The following DVL3 variants were observed in gnomAD, a reference collection of about 807,000 sequenced individuals.
The protein encoded by DVL3 is dishevelled segment polarity protein 3.
DVL3 carries 27 observed loss-of-function variants against 67.4 expected under a neutral mutation model. The ratio of observed to expected loss-of-function variants is 0.40; its 90% confidence interval spans 0.30 to 0.55. The LOEUF is 0.55. Ranked by LOEUF, DVL3 falls within the 20% of genes least tolerant of loss-of-function variation. DVL3 has a pLI of 0.46. For missense variants in DVL3, 819 were observed against 1,021.5 expected, an observed-to-expected ratio of 0.80 and a Z score of 2.70; for synonymous variants, 369 against 396.8, an observed-to-expected ratio of 0.93 and a Z score of 0.83.
Position 184,165,571 on chromosome 3 carries a change from T to G in DVL3, c.763+80T>G. ...AGACTTGAGTTCAGAGAGCGTAGAATATGTTCCCTGCCCTCAAGGAGCTCT... is the reference window on the plus strand; with the variant it reads ...AGACTTGAGTTCAGAGAGCGTAGAAGATGTTCCCTGCCCTCAAGGAGCTCT... On this transcript the variant is annotated intron_variant, in intron 7 of 14. Coordinates refer to ENST00000313143, the MANE Select transcript of DVL3 (RefSeq NM_004423.4). This position sits in a 1 kb window ranked among gnomAD's most constrained non-coding sequence, Gnocchi z 4.1. The G allele has an allele frequency of 7.8e-7, 1 of 1,278,376 alleles. No individual in the cohort carries two copies. The highest frequency in any genetic ancestry group is 1.2e-5 in the South Asian group (1 of 82,700). The allele number at this position is 1,278,376 out of a possible 1,614,324, so 79.2% of individuals were successfully genotyped here.
chr3:184,155,716 C>A lies in DVL3; in HGVS notation c.81C>A (p.Arg27=). 5.0e-6 allele frequency: 8 copies of A among 1,613,300 alleles called. No homozygotes were observed. The highest frequency in any genetic ancestry group is 5.1e-6 in the Non-Finnish European group (6 of 1,179,806). The part of the protein sequence containing the change: ...YLVKLPLPAE[R]VTLADFKGVL... ...TGAAGCTGCCCCTGCCCGCCGAGCG[C>A]GTCACCTTGGCGGACTTTAAGGGCG... Residue 27 remains arginine (R), a synonymous_variant, in exon 1 of 15, where the codon CGC becomes CGA. Transcript: ENST00000313143. The surrounding 1 kb of genome is among the most constrained non-coding windows in gnomAD (Gnocchi z 5.4).
rs1342265603 is a variant in DVL3 at position 184,163,205 on chromosome 3, AT to A, written c.162-448del. On this transcript the variant is annotated intron_variant, in intron 1 of 14. Coordinates refer to ENST00000313143, the MANE Select transcript of DVL3 (RefSeq NM_004423.4). This position sits in a 1 kb window ranked among gnomAD's most constrained non-coding sequence, Gnocchi z 4.5. Reference sequence around the variant, plus strand: ...GCCTGGCCTCCCCTTCTCTTTTCTAATTTTCTTAAATTCTTTGTCCATACCT... The same window carrying A: ...GCCTGGCCTCCCCTTCTCTTTTCTAATTTCTTAAATTCTTTGTCCATACCT... Among the ~76,000 whole-genome samples, 3 of 151,998 alleles carry A rather than the reference AT, an allele frequency of 2.0e-5. No individual in the cohort carries two copies. The highest frequency in any genetic ancestry group is 7.3e-5 in the African/African-American group (3 of 41,350).
intron 1 of DVL3, among the ~76,000 whole-genome samples, chr3:184,156,141 C>T (rs1205511094): frequency 6.6e-6 from 1 of 152,154 alleles, no homozygotes; most frequent in Admixed American, 6.5e-5. Flanking sequence ...CCCCCATCCT[C>T]CTCCTGCCGA....
chr3:184,162,381 C>T (rs983477668), intron 1 of DVL3, among the ~76,000 whole-genome samples: 7 of 151,770 alleles, frequency 4.6e-5, no homozygotes, highest in Admixed American at 4.0e-4. Context: ...GCCGGCACCT[C>T]GCTATGTTGA....
intron 1 of DVL3, chr3:184,156,271 T>C (rs1714184355): frequency 6.6e-6 from 3 of 455,096 alleles, no homozygotes; most frequent in African/African-American, 2.0e-5. Flanking sequence ...ATCTGAGGGC[T>C]CTGCTGGGAC....
chr3:184,170,370 A>G lies in DVL3; in HGVS notation c.1766A>G (p.Lys589Arg), dbSNP rs1300477178. Residue 589 changes from lysine (K) to arginine (R), a missense_variant, in exon 15 of 15, where the codon AAG (lysine) becomes AGG (arginine). Physicochemically the swap from Lys to Arg is conservative, Grantham distance 26 (BLOSUM62 2). Coordinates refer to ENST00000313143, the MANE Select transcript of DVL3 (RefSeq NM_004423.4). This position sits in a 1 kb window ranked among gnomAD's most constrained non-coding sequence, Gnocchi z 6.5. The stretch of plus-strand genomic sequence containing the variant: ...AGCGGCAGCGATCGGAGGAAGGAGA[A>G]GGACCCGAAGGCCGGGGACTCCAAG... ...NRSGSDRRKE[K>R]DPKAGDSKSG... 1.2e-6 allele frequency: 2 copies of G among 1,605,970 alleles called. No individual in the cohort carries two copies. Among genetic ancestry groups the G allele is most frequent in the Non-Finnish European group, 1.7e-6 (2 of 1,176,588 alleles).
chr3:184,159,726 T>C (rs1313448995), intron 1 of DVL3, among the ~76,000 whole-genome samples: 1 of 151,986 alleles, frequency 6.6e-6, no homozygotes, highest in East Asian at 1.9e-4. Context: ...ATTGAACACA[T>C]GTGCTGCTCC....
In DVL3 at chr3:184,166,882, A is replaced by T; in HGVS notation, c.1105A>T (p.Thr369Ser). The T allele has an allele frequency of 6.2e-7, 1 of 1,614,004 alleles. No individual in the cohort carries two copies. The highest frequency in any genetic ancestry group is 1.1e-5 in the South Asian group (1 of 91,070). Residue 369 changes from threonine (T) to serine (S), a missense_variant, in exon 11 of 15, where the codon ACC becomes TCC. By Grantham distance (58) the Thr-to-Ser change is moderately conservative (BLOSUM62 1). This residue lies in a region of DVL3 where 110 missense variants were observed against 203.4 expected (regional missense o/e 0.54). Coordinates refer to ENST00000313143, the MANE Select transcript of DVL3 (RefSeq NM_004423.4). The surrounding 1 kb of genome is among the most constrained non-coding windows in gnomAD (Gnocchi z 6.7). ...AAWVSHTAAM[T>S]GTFPAYGMSP... ...CTGGGTCTCCCACACTGCAGCCATG[A>T]CCGGCACCTTCCCTGCATACGGCAT...
Position 184,171,896 on chromosome 3 carries a change from C to T in DVL3, c.*1141C>T, listed in dbSNP as rs934054299. ...TGCACAGAGATGCATACACAGGTGC[C>T]TATGCAAGTTCATTTAAGCCTCAGG... On this transcript the variant is annotated 3_prime_UTR_variant, in exon 15 of 15. Coordinates refer to ENST00000313143, the MANE Select transcript of DVL3 (RefSeq NM_004423.4). The T allele has an allele frequency of 2.0e-5, 3 of 153,038 alleles. No homozygotes were observed. In the East Asian group the frequency reaches 5.8e-4, roughly 29 times the overall value. The allele number at this position is 153,038 out of a possible 1,614,324, so 9.5% of individuals were successfully genotyped here.
chr3:184,158,779 CTTTTTTTT>C (rs34189027), intron 1 of DVL3, among the ~76,000 whole-genome samples: 4 of 131,556 alleles, frequency 3.0e-5, no homozygotes, highest in African/African-American at 5.7e-5. Context: ...AATTTTTTTT[CTTTTTTTT>C]TTTTTTTTGA....
At position 184,165,455 on chromosome 3, in the gene DVL3, A is replaced by T; in HGVS notation, c.727A>T (p.Met243Leu). 1 of 1,614,082 alleles carries T rather than the reference A, an allele frequency of 6.2e-7. No homozygotes were observed. The highest frequency in any genetic ancestry group is 8.5e-7 in the Non-Finnish European group (1 of 1,180,016). ...CTTCAGCAGCATCACGGACTCCACC[A>T]TGTCACTCAACATCATCACGGTCAC... ...SSFSSITDST[M>L]SLNIITVTLN... is the part of the protein sequence containing the mutation. Residue 243 changes from methionine (M) to leucine (L), a missense_variant, in exon 7 of 15, where the codon ATG becomes TTG. By Grantham distance (15) the Met-to-Leu change is conservative. Transcript: ENST00000313143. This position sits in a 1 kb window ranked among gnomAD's most constrained non-coding sequence, Gnocchi z 4.1.
Position 184,165,269 on chromosome 3 carries a change from C to A in DVL3, c.693+63C>A, listed in dbSNP as rs965547708. ...ATTGTGAGCCCTTCCTACGCAGGGC[C>A]AAGGCTTGTTCTTCCTTAGATCCCA... On this transcript the variant is annotated intron_variant, in intron 6 of 14. Transcript: ENST00000313143. This position sits in a 1 kb window ranked among gnomAD's most constrained non-coding sequence, Gnocchi z 4.1. The A allele has an allele frequency of 1.5e-5, 23 of 1,546,838 alleles. No homozygotes were observed. The highest frequency in any genetic ancestry group is 2.0e-5 in the Non-Finnish European group (23 of 1,136,838).
chr3:184,157,504 G>A (rs932742035), intron 1 of DVL3, among the ~76,000 whole-genome samples: 1 of 152,108 alleles, frequency 6.6e-6, no homozygotes, highest in Non-Finnish European at 1.5e-5. Flanking sequence ...AGGCCTAACT[G>A]CAGTTTTAAG....
chr3:184,171,652 C>T lies in DVL3; in HGVS notation c.*897C>T. ...GAGGAGACCAGGAACCCTGCTTCAG[C>T]AGCCCCTCAGGGCTTCCCAAGGATG... On this transcript the variant is annotated 3_prime_UTR_variant, in exon 15 of 15. Transcript: ENST00000313143. The T allele has an allele frequency of 1.0e-6, 1 of 955,156 alleles. No individual in the cohort carries two copies. The highest frequency in any genetic ancestry group is 1.2e-6 in the Non-Finnish European group (1 of 802,004). The allele number at this position is 955,156 out of a possible 1,614,324, so 59.2% of individuals were successfully genotyped here. A position where few individuals can be genotyped will look rare whatever the true frequency, so the allele number is the denominator to read the frequency against.
intron 1 of DVL3, among the ~76,000 whole-genome samples, chr3:184,161,665 T>C (rs1021531944): frequency 5.1e-4 from 77 of 152,104 alleles, no homozygotes; most frequent in Admixed American, 4.3e-3. Flanking sequence ...CCGGCCAAAC[T>C]ACATGCTCCG....
Position 184,165,474 on chromosome 3 carries a change from C to T in DVL3, c.746C>T (p.Thr249Met), listed in dbSNP as rs200137383. The T allele has an allele frequency of 4.1e-4, 660 of 1,614,020 alleles. 2 individuals carry two copies. Among genetic ancestry groups the T allele is most frequent in the African/African-American group, 4.0e-4 (30 of 75,008 alleles). The change falls in exon 7 of 15, where the codon ACG becomes ATG. Residue 249 changes from threonine to methionine, a missense_variant. Thr to Met is a moderately conservative substitution (Grantham distance 81). This residue lies in a region of DVL3 where 385 missense variants were observed against 486.8 expected (regional missense o/e 0.79). Transcript: ENST00000313143. This position sits in a 1 kb window ranked among gnomAD's most constrained non-coding sequence, Gnocchi z 4.1. ...TDSTMSLNII[T>M]VTLNMEKYNF... ...TCCACCATGTCACTCAACATCATCA[C>T]GGTCACTCTCAACATGGGTGAGTCT... is the stretch of plus-strand genomic sequence containing the variant.
In DVL3 at chr3:184,166,671, G is replaced by A. The variant is rs1397233989; in HGVS notation, c.1046G>A (p.Arg349Lys). Residue 349 changes from arginine (R) to lysine (K), a missense_variant and splice_region_variant, in exon 10 of 15, where the codon AGG (arginine) becomes AAG (lysine). Physicochemically the swap from Arg to Lys is conservative, Grantham distance 26 (BLOSUM62 2). This residue lies in a region of DVL3 where 385 missense variants were observed against 486.8 expected (regional missense o/e 0.79). Transcript: ENST00000313143. This position sits in a 1 kb window ranked among gnomAD's most constrained non-coding sequence, Gnocchi z 6.7. ...CCACGTGGTTGCTTCACATTGCCCA[G>A]GAGTAAGTGGATGGGAGACTCAGTC... Reference protein sequence around the residue: ...PSPRGCFTLPRSEPIRPIDPA... With the variant: ...PSPRGCFTLPKSEPIRPIDPA... 5 of 1,613,900 alleles carry A rather than the reference G, an allele frequency of 3.1e-6. No homozygotes were observed. Among genetic ancestry groups the A allele is most frequent in the Non-Finnish European group, 4.2e-6 (5 of 1,179,954 alleles).
At position 184,163,455 on chromosome 3, in the gene DVL3, T is replaced by C. The variant is rs1333250055; in HGVS notation, c.162-202T>C. On this transcript the variant is annotated intron_variant, in intron 1 of 14. Transcript: ENST00000313143. The surrounding 1 kb of genome is among the most constrained non-coding windows in gnomAD (Gnocchi z 4.5). Reference sequence around the variant, plus strand: ...ACTGAGAGGATGCCCCGGGAAGGTATCTGGCCTAGGCAGGGCTGGTGTCTT... The same window carrying C: ...ACTGAGAGGATGCCCCGGGAAGGTACCTGGCCTAGGCAGGGCTGGTGTCTT... 6.6e-6 allele frequency among the ~76,000 whole-genome samples: 1 copy of C among 152,152 alleles called. No individual in the cohort carries two copies. The highest frequency in any genetic ancestry group is 1.5e-5 in the Non-Finnish European group (1 of 68,014).
At chr3:184,159,884 C>T (rs1714321020) in intron 1 of DVL3, among the ~76,000 whole-genome samples, 1 of 151,954 alleles carries the variant, frequency 6.6e-6, no homozygotes, top group Admixed American at 6.6e-5. Context: ...CCCACTGGGC[C>T]CTCAGCCAAA....
Sources: gnomAD v4.1 joint callset for allele counts (sites outside exome capture counted in the v4.1 genomes callset) on GRCh38, gnomAD v4.1.1 for gene constraint, gnomAD v4.1.1 regional missense constraint, Gnocchi (gnomAD v3.1) non-coding constraint, MANE v1.5 for transcripts, NCBI Gene and HGNC (gene_info 2026-07-23, HGNC 2026-07-21) for gene names.